UNC80: variants seen among roughly 807,000 people sequenced by gnomAD.
UNC80 encodes protein unc-80 homolog.
Under a neutral mutation model 384.6 loss-of-function variants are expected in UNC80, and 164 were observed. The ratio of observed to expected loss-of-function variants is 0.43; its 90% CI spans 0.38 to 0.49. The LOEUF (loss-of-function observed/expected upper bound fraction) is 0.49, where lower values mean the gene tolerates loss of function less well. Ranked by LOEUF, UNC80 falls within the 20% of genes least tolerant of loss-of-function variation. The pLI is 0.00. For synonymous variants in UNC80, 1,486 were observed against 1,527.8 expected, an observed-to-expected ratio of 0.97 and a Z score of 0.64; for missense variants, 3,330 against 4,143.0, an observed-to-expected ratio of 0.80 and a Z score of 5.39.
chr2:209,975,295 T>C (rs2092984745), intron 56 of UNC80, among the ~76,000 whole-genome samples: 1 of 152,172 alleles, frequency 6.6e-6, no homozygotes. Context: ...GACTCCATGG[T>C]AAAAGCTGTA....
intron 26 of UNC80, among the ~76,000 whole-genome samples, chr2:209,893,761 A>G (rs765104832): frequency 4.6e-5 from 7 of 152,188 alleles, no homozygotes; most frequent in African/African-American, 1.7e-4. Flanking sequence ...TCCAAAATGA[A>G]GGGGTTTACG....
chr2:209,910,634 A>C (rs1173331859), intron 29 of UNC80, among the ~76,000 whole-genome samples: 1 of 150,942 alleles, frequency 6.6e-6, no homozygotes, highest in East Asian at 2.0e-4. Flanking sequence ...ATCAGGGACA[A>C]ATATAAATGC....
At chr2:209,969,707 A>G in intron 52 of UNC80, 61 bp from the exon 53 acceptor site, 1 of 1,541,434 alleles carries the variant, frequency 6.5e-7, no homozygotes, top group Non-Finnish European at 8.8e-7. Context: ...TGTCTCATTC[A>G]CTTGTTTCAG....
chr2:209,965,935 A>G (rs1250167706), intron 51 of UNC80, among the ~76,000 whole-genome samples: 1 of 116,264 alleles, frequency 8.6e-6, no homozygotes, highest in East Asian at 2.2e-4. Context: ...AACTTGTCTC[A>G]AAAAAAAAAA....
intron 28 of UNC80, among the ~76,000 whole-genome samples, chr2:209,896,770 A>G (rs970719335): frequency 2.0e-5 from 3 of 152,118 alleles, no homozygotes; most frequent in Non-Finnish European, 1.5e-5. Context: ...GAGCACGGTC[A>G]TGGTGTTGCT....
intron 41 of UNC80, 56 bp downstream of exon 41, chr2:209,936,989 A>G: frequency 8.1e-7 from 1 of 1,228,726 alleles, no homozygotes; most frequent in Non-Finnish European, 1.2e-6. Flanking sequence ...TATCATGCCT[A>G]CCTGAGGGTG....
At chr2:209,980,614 T>C (rs1294242173) in intron 59 of UNC80, among the ~76,000 whole-genome samples, 3 of 152,234 alleles carry the variant, frequency 2.0e-5, no homozygotes, top group East Asian at 3.8e-4. Flanking sequence ...AATTAAACTT[T>C]CTTACATTCA....
chr2:209,928,592 A>G (rs141735540), intron 36 of UNC80, among the ~76,000 whole-genome samples: 41 of 152,314 alleles, frequency 2.7e-4, no homozygotes, highest in African/African-American at 9.9e-4. Context: ...GTACAGTGAT[A>G]TTTCAGTACC....
intron 32 of UNC80, 102 bp downstream of exon 32, chr2:209,918,060 T>G: frequency 8.9e-7 from 1 of 1,122,678 alleles, no homozygotes; most frequent in Non-Finnish European, 1.3e-6. Context: ...AAAGATATTC[T>G]TCTTTTTTCT....
chr2:209,949,972 C>T (rs1417023753), intron 47 of UNC80, among the ~76,000 whole-genome samples: 4 of 151,914 alleles, frequency 2.6e-5, no homozygotes, highest in East Asian at 1.9e-4. Flanking sequence ...GCACTACAGG[C>T]GGGTGCCTTC....
intron 23 of UNC80, among the ~76,000 whole-genome samples, chr2:209,875,390 A>G (rs920470437): frequency 6.6e-6 from 1 of 152,194 alleles, no homozygotes; most frequent in African/African-American, 2.4e-5. Flanking sequence ...GAGCTAATGT[A>G]CCTAAAGAAT....
intron 60 of UNC80, 142 bp from the exon 61 acceptor site, chr2:209,984,714 A>T: frequency 9.2e-6 from 7 of 760,570 alleles, no homozygotes; most frequent in South Asian, 2.0e-5. Flanking sequence ...GAAATGGTTG[A>T]CTGTCTCCTT....
intron 25 of UNC80, among the ~76,000 whole-genome samples, chr2:209,886,743 CTATCTT>C (rs2085846119): frequency 6.6e-6 from 1 of 152,184 alleles, no homozygotes; most frequent in African/African-American, 2.4e-5. Context: ...GTTTGCCAAA[CTATCTT>C]TACTTAATCC....
Position 209,917,895 on chromosome 2 carries a change from G to A in UNC80, c.5148G>A (p.Thr1716=), listed in dbSNP as rs1452313312. 5.8e-6 allele frequency: 9 copies of A among 1,551,806 alleles called. No homozygotes were observed. The South Asian group carries it at 7.1e-5, about 12-fold the overall frequency. ...QRLNAVLKFH[T]LWRFRYQVWP... is the part of the protein sequence containing the mutation. Reference sequence around the variant, plus strand: ...TGAACGCTGTCCTCAAGTTCCACACGCTCTGGAGGTTTCGCTATCAGGTCT... The same window carrying A: ...TGAACGCTGTCCTCAAGTTCCACACACTCTGGAGGTTTCGCTATCAGGTCT... The change falls in exon 32 of 65, where the codon ACG becomes ACA. Residue 1716 remains threonine (T), a synonymous_variant. Coordinates refer to ENST00000673920, the MANE Select transcript of UNC80 (RefSeq NM_001371986.1).
Position 209,995,654 on chromosome 2 carries a change from C to T in UNC80, c.*59C>T. ...AGACATGAAAGTGATCTCTCTACTA[C>T]AAGTTCAATACTTTTGCTTGAAAAA... On this transcript the variant is annotated 3_prime_UTR_variant, in exon 65 of 65. Coordinates refer to ENST00000673920, the MANE Select transcript of UNC80 (RefSeq NM_001371986.1). 2 of 1,506,872 alleles carry T rather than the reference C, an allele frequency of 1.3e-6. No homozygotes were observed. The highest frequency in any genetic ancestry group is 2.6e-5 in the South Asian group (2 of 78,218). The allele number at this position is 1,506,872 out of a possible 1,614,324, so 93.3% of individuals were successfully genotyped here.
At chr2:209,827,185 GCATCT>G (rs2080591853) in intron 14 of UNC80, among the ~76,000 whole-genome samples, 1 of 151,964 alleles carries the variant, frequency 6.6e-6, no homozygotes, top group Admixed American at 6.6e-5. Flanking sequence ...TAGAAAGCTG[GCATCT>G]CCCCCATCTT....
At chr2:209,932,310 G>A (rs1357966007) in intron 38 of UNC80, among the ~76,000 whole-genome samples, 2 of 152,152 alleles carry the variant, frequency 1.3e-5, no homozygotes, top group African/African-American at 2.4e-5. Context: ...AAGCTTTCCA[G>A]CCAAGCATCC....
At position 209,941,494 on chromosome 2, in the gene UNC80, C is replaced by T. The variant is rs1174084992; in HGVS notation, c.6915+5C>T. The stretch of plus-strand genomic sequence containing the variant: ...ATTCTCCCCACCATGCTGCAGGTGC[C>T]CAGAACCTCCTCTCCCAACCAGAAA... On this transcript the variant is annotated splice_donor_5th_base_variant and intron_variant, in intron 44 of 64. Transcript: ENST00000673920. The T allele has an allele frequency of 2.0e-6, 3 of 1,526,066 alleles. No individual in the cohort carries two copies. The highest frequency in any genetic ancestry group is 1.4e-5 in the African/African-American group (1 of 72,716). 94.5% of individuals were successfully genotyped at this position (1,526,066 alleles called of 1,614,324 possible).
chr2:209,850,104 T>C (rs1044422507), intron 22 of UNC80, among the ~76,000 whole-genome samples: 2 of 152,070 alleles, frequency 1.3e-5, no homozygotes, highest in African/African-American at 2.4e-5. Flanking sequence ...TATCCATCAA[T>C]TGGAGGAAAA....
Sources: gnomAD v4.1 joint callset for allele counts (sites outside exome capture counted in the v4.1 genomes callset) on GRCh38, gnomAD v4.1.1 for gene constraint, MANE v1.5 for transcripts, NCBI Gene and HGNC (gene_info 2026-07-23, HGNC 2026-07-21) for gene names.